Variants in ESRRG observed in about 807,000 individuals in gnomAD.
ESRRG encodes the protein estrogen-related receptor gamma.
A neutral mutation model predicts 44.0 loss-of-function variants in ESRRG; 13 were observed. The observed-to-expected ratio is 0.30, with a 90% CI of 0.19 to 0.47. The LOEUF (loss-of-function observed/expected upper bound fraction) is 0.47, where lower values mean the gene tolerates loss of function less well. Among genes scored for constraint, ESRRG ranks in the 20% least tolerant of loss-of-function variants. The pLI is 1.00. For missense variants in ESRRG, 395 were observed against 580.6 expected (o/e 0.68, Z 3.29); for synonymous variants, 215 against 214.6 (o/e 1.00, Z -0.02).
At chr1:217,070,874 C>T (rs750134480) in intron 1 of ESRRG, among the ~76,000 whole-genome samples, 9 of 152,250 alleles carry the variant, frequency 5.9e-5, no homozygotes, top group Non-Finnish European at 1.3e-4. Context: ...ATCTCAATTC[C>T]ACTATTTCTA....
At chr1:216,690,791 A>T (rs2078918456) in intron 1 of ESRRG, among the ~76,000 whole-genome samples, 1 of 152,122 alleles carries the variant, frequency 6.6e-6, no homozygotes. Context: ...AGAGAACTTT[A>T]AAGGACTCCC....
intron 3 of ESRRG, among the ~76,000 whole-genome samples, chr1:216,647,211 A>T (rs949172489): frequency 1.3e-5 from 2 of 152,146 alleles, no homozygotes; most frequent in Non-Finnish European, 2.9e-5. Flanking sequence ...ATGAAAAGGG[A>T]ATGTTGAGAC....
At chr1:217,133,717 C>G (rs115260055) in intron 1 of ESRRG, among the ~76,000 whole-genome samples, 40 of 134,794 alleles carry the variant, frequency 3.0e-4, no homozygotes, top group Non-Finnish European at 5.6e-4. Context: ...TTTTCCTTCT[C>G]TCTTTTCCTC....
At chr1:217,001,697 C>T (rs1208247887) in intron 1 of ESRRG, among the ~76,000 whole-genome samples, 1 of 152,014 alleles carries the variant, frequency 6.6e-6, no homozygotes, top group African/African-American at 2.4e-5. Context: ...GGGGCAGAGA[C>T]AATGAGAGGA....
At chr1:217,033,949 C>G (rs1475881474) in intron 1 of ESRRG, among the ~76,000 whole-genome samples, 1 of 152,188 alleles carries the variant, frequency 6.6e-6, no homozygotes, top group East Asian at 1.9e-4. Flanking sequence ...GAGATTGGAG[C>G]CGAGGCCTCC....
chr1:216,892,021 G>T (rs2057866872), intron 2 of ESRRG, among the ~76,000 whole-genome samples: 1 of 152,026 alleles, frequency 6.6e-6, no homozygotes, highest in South Asian at 2.1e-4. Flanking sequence ...TGGCCAGGCT[G>T]GTCTCGAACT....
chr1:216,778,572 G>A (rs749616272), intron 2 of ESRRG, among the ~76,000 whole-genome samples: 10 of 151,830 alleles, frequency 6.6e-5, no homozygotes, highest in East Asian at 2.0e-4. Context: ...TTGGCCCATC[G>A]CAGAGGTCAG....
At chr1:216,625,417 A>G (rs1002173242) in intron 3 of ESRRG, among the ~76,000 whole-genome samples, 3 of 135,558 alleles carry the variant, frequency 2.2e-5, no homozygotes, top group Non-Finnish European at 4.8e-5. Context: ...ACTGATGCTC[A>G]TTTGGCAAAA....
chr1:216,912,125 G>T (rs926657860), intron 2 of ESRRG, among the ~76,000 whole-genome samples: 1 of 16,148 alleles, frequency 6.2e-5, no homozygotes, highest in Non-Finnish European at 1.0e-4. Context: ...GAAAAGAAAA[G>T]AAAAGAAAAG....
chr1:216,588,278 A>C (rs1169385733), intron 3 of ESRRG, among the ~76,000 whole-genome samples: 2 of 152,134 alleles, frequency 1.3e-5, no homozygotes, highest in Non-Finnish European at 2.9e-5. Context: ...TTATATTGCT[A>C]TTATGTCTCT....
intron 1 of ESRRG, among the ~76,000 whole-genome samples, chr1:216,709,173 A>G (rs1014302398): frequency 2.0e-5 from 3 of 152,034 alleles, no homozygotes; most frequent in African/African-American, 7.2e-5. Context: ...ATGTAACAAA[A>G]CTGCAAGTTC....
chr1:217,104,329 G>A (rs545642459), intron 1 of ESRRG, among the ~76,000 whole-genome samples: 141 of 152,280 alleles, frequency 9.3e-4, no homozygotes, highest in African/African-American at 3.1e-3. Flanking sequence ...TTAAAACATA[G>A]ATGAAATGGG....
chr1:216,989,929 G>A (rs2075423452), intron 1 of ESRRG, among the ~76,000 whole-genome samples: 1 of 152,192 alleles, frequency 6.6e-6, no homozygotes. Context: ...TAAATGAACA[G>A]TGTGCATGGG....
At chr1:216,958,666 T>C (rs1009190554) in intron 1 of ESRRG, among the ~76,000 whole-genome samples, 1 of 152,172 alleles carries the variant, frequency 6.6e-6, no homozygotes, top group African/African-American at 2.4e-5. Context: ...AGCAATCCAA[T>C]AGCATTTCAG....
At chr1:216,601,306 TC>T (rs1201758079) in intron 3 of ESRRG, among the ~76,000 whole-genome samples, 10 of 151,946 alleles carry the variant, frequency 6.6e-5, no homozygotes, top group Non-Finnish European at 8.8e-5. Flanking sequence ...CCCAGGGACT[TC>T]CTGGGAGCCA....
chr1:216,708,778 A>G (rs2082950939), intron 1 of ESRRG, among the ~76,000 whole-genome samples: 1 of 152,210 alleles, frequency 6.6e-6, no homozygotes. Context: ...TGTTTATTGC[A>G]GCCCTGTTCA....
chr1:216,773,889 C>A (rs1471819604), intron 2 of ESRRG, among the ~76,000 whole-genome samples: 1 of 151,874 alleles, frequency 6.6e-6, no homozygotes, highest in Non-Finnish European at 1.5e-5. Context: ...TCACAATATG[C>A]CCAAGGACTG....
At chr1:216,973,215 A>G (rs928952390) in intron 1 of ESRRG, among the ~76,000 whole-genome samples, 1 of 152,166 alleles carries the variant, frequency 6.6e-6, no homozygotes, top group African/African-American at 2.4e-5. Context: ...AAATGGTTTT[A>G]TCTCATTCAG....
chr1:216,702,816 CT>C (rs2081672944), intron 1 of ESRRG, among the ~76,000 whole-genome samples: 1 of 148,120 alleles, frequency 6.8e-6, no homozygotes, highest in African/African-American at 2.5e-5. Context: ...GCAAAGTTGA[CT>C]CAAGCACATG....
Sources: allele counts gnomAD v4.1 joint callset (sites outside exome capture counted in the v4.1 genomes callset), GRCh38; gene constraint gnomAD v4.1.1; transcripts MANE v1.5; gene names NCBI Gene and HGNC (gene_info 2026-07-23, HGNC 2026-07-21).